The following GTF2A2 variants were observed in gnomAD, a reference collection of about 807,000 sequenced individuals.
The protein encoded by GTF2A2 is transcription initiation factor IIA subunit 2.
Under a neutral mutation model 14.3 loss-of-function variants are expected in GTF2A2, and 9 were observed. The ratio of observed to expected loss-of-function variants is 0.63; its 90% CI spans 0.38 to 1.10. The LOEUF (loss-of-function observed/expected upper bound fraction) is 1.10. GTF2A2 is among the 50% of genes least tolerant of loss of function. The pLI is 0.01. For synonymous variants in GTF2A2, 56 were observed against 46.0 expected (o/e 1.22, Z -0.88); for missense variants, 90 against 124.6 (o/e 0.72, Z 1.32).
At chr15:59,639,234 A>G in intron 4 of GTF2A2, 77 bp from the exon 5 acceptor site, 1 of 852,210 alleles carries the variant, frequency 1.2e-6, no homozygotes, top group Non-Finnish European at 2.0e-6. Flanking sequence ...TTTTAAGACT[A>G]TCAAAAATGA....
intron 1 of GTF2A2, 87 bp from the exon 2 acceptor site, chr15:59,652,413 A>C (rs1173175926): frequency 1.7e-6 from 1 of 587,970 alleles, no homozygotes; most frequent in Non-Finnish European, 3.0e-6. Flanking sequence ...CAAATATTCT[A>C]ATATAGAACT....
chr15:59,642,023 A>C, intron 4 of GTF2A2, 113 bp downstream of exon 4: 1 of 817,100 alleles, frequency 1.2e-6, no homozygotes, highest in Non-Finnish European at 1.9e-6. Context: ...TTATCTGGGA[A>C]TTGATCATAG....
At chr15:59,649,476 A>C (rs1891724614) in intron 3 of GTF2A2, among the ~76,000 whole-genome samples, 1 of 152,180 alleles carries the variant, frequency 6.6e-6, no homozygotes, top group Non-Finnish European at 1.5e-5. Flanking sequence ...TAGTCCACCA[A>C]ATTTCTTATT....
chr15:59,643,072 A>ATTTTTTT (rs398043378), intron 3 of GTF2A2, among the ~76,000 whole-genome samples: 2 of 64,094 alleles, frequency 3.1e-5, no homozygotes, highest in Non-Finnish European at 5.7e-5. Flanking sequence ...GGCCTATATA[A>ATTTTTTT]TTTTTTTTTT....
intron 3 of GTF2A2, among the ~76,000 whole-genome samples, chr15:59,650,158 T>C (rs940094607): frequency 3.3e-5 from 5 of 152,220 alleles, no homozygotes; most frequent in African/African-American, 1.2e-4. Flanking sequence ...GTTCAAAGTA[T>C]AAGTGACTGA....
rs1179655629 is a variant in GTF2A2, at chr15:59,638,419, GT to G, written c.*712del. On this transcript the variant is annotated 3_prime_UTR_variant, in exon 5 of 5. Coordinates refer to ENST00000396060, the MANE Select transcript of GTF2A2 (RefSeq NM_004492.3). ...AAAAGTCTAATAATTAGACTTTATT[GT>G]AAGTCTAATGTATCTTGTACATGAT... The G allele has an allele frequency of 6.8e-6, 1 of 147,646 alleles. No homozygotes were observed. The highest frequency in any genetic ancestry group is 1.5e-5 in the Non-Finnish European group (1 of 66,574). 9.1% of individuals were successfully genotyped at this position (147,646 alleles called of 1,614,324 possible).
chr15:59,650,691 A>T lies in GTF2A2; in HGVS notation c.155T>A (p.Val52Asp), dbSNP rs1392479346. The change falls in exon 3 of 5, where the codon GTC becomes GAC. Residue 52 changes from valine (V) to aspartate (D), a missense_variant. By Grantham distance (152) the Val-to-Asp change is radical. Coordinates refer to ENST00000396060, the MANE Select transcript of GTF2A2 (RefSeq NM_004492.3). ...TACCCTGAAATTGACTCTGTTCCTG[A>T]CCCTCTGAGCCAGTGCTGCATTTAT... ...KAINAALAQR[V>D]RNRVNFRGSL... is the part of the protein sequence containing the mutation. 6.3e-7 allele frequency: 1 copy of T among 1,598,198 alleles called. No homozygotes were observed. Among genetic ancestry groups the T allele is most frequent in the Non-Finnish European group, 8.6e-7 (1 of 1,165,592 alleles).
Position 59,639,077 on chromosome 15 carries a change from T to C in GTF2A2, c.*55A>G. ...AAATAAAAAGTCTCTTCTATGCTTC[T>C]CTTCAAAAGCAATGAATAACAGAAG... is the stretch of plus-strand genomic sequence containing the variant. On this transcript the variant is annotated 3_prime_UTR_variant, in exon 5 of 5. Coordinates refer to ENST00000396060, the MANE Select transcript of GTF2A2 (RefSeq NM_004492.3). 1 of 1,000,282 alleles carries C rather than the reference T, an allele frequency of 1.0e-6. No homozygotes were observed. Among genetic ancestry groups the C allele is most frequent in the South Asian group, 1.3e-5 (1 of 77,860 alleles). 62.0% of individuals were successfully genotyped at this position (1,000,282 alleles called of 1,614,324 possible).
At position 59,650,521 on chromosome 15, in the gene GTF2A2, T is replaced by C. The variant is rs533597779; in HGVS notation, c.177+148A>G. 8 of 536,158 alleles carry C rather than the reference T, an allele frequency of 1.5e-5. No homozygotes were observed. The African/African-American group carries it at 1.5e-4, about 10-fold the overall frequency. The allele number at this position is 536,158 out of a possible 1,614,324, so 33.2% of individuals were successfully genotyped here. On this transcript the variant is annotated intron_variant, in intron 3 of 4. Transcript: ENST00000396060. The stretch of plus-strand genomic sequence containing the variant: ...ACTTAGTTTATAGTTGATTGAAAAG[T>C]ATAATTTAGTTACTATAAAACAAGT...
At chr15:59,654,026 C>T (rs934305102) in intron 1 of GTF2A2, among the ~76,000 whole-genome samples, 3 of 152,310 alleles carry the variant, frequency 2.0e-5, no homozygotes, top group East Asian at 3.9e-4. Flanking sequence ...TCATCTGTCA[C>T]TAAAGTTAAT....
chr15:59,645,693 G>A (rs1213773357), intron 3 of GTF2A2, among the ~76,000 whole-genome samples: 1 of 152,080 alleles, frequency 6.6e-6, no homozygotes, highest in African/African-American at 2.4e-5. Flanking sequence ...CAAACTCAAC[G>A]TTCATTTCCA....
chr15:59,641,371 C>CTT (rs1386593490), intron 4 of GTF2A2, among the ~76,000 whole-genome samples: 8 of 151,956 alleles, frequency 5.3e-5, no homozygotes, highest in African/African-American at 1.9e-4. Flanking sequence ...TTAGCTATTT[C>CTT]TTTGGAAATG....
intron 3 of GTF2A2, among the ~76,000 whole-genome samples, chr15:59,648,453 A>G (rs1891683446): frequency 7.6e-6 from 1 of 130,798 alleles, no homozygotes; most frequent in South Asian, 2.6e-4. Context: ...TAGCCTAGTT[A>G]CAAATACTAC....
At chr15:59,642,422 CCAGA>C (rs2141957322) in intron 3 of GTF2A2, among the ~76,000 whole-genome samples, 160 bp from the exon 4 acceptor site, 2 of 152,208 alleles carry the variant, frequency 1.3e-5, no homozygotes, top group South Asian at 4.1e-4. Flanking sequence ...AAAACAACCA[CCAGA>C]CAAATTTGCT....
chr15:59,639,237 A>C, intron 4 of GTF2A2, 80 bp from the exon 5 acceptor site: 1 of 840,782 alleles, frequency 1.2e-6, no homozygotes, highest in East Asian at 2.5e-5. Flanking sequence ...TAAGACTATC[A>C]AAAATGAGAA....
intron 4 of GTF2A2, among the ~76,000 whole-genome samples, 170 bp downstream of exon 4, chr15:59,641,966 C>A (rs536680710): frequency 6.6e-5 from 10 of 152,274 alleles, no homozygotes; most frequent in African/African-American, 2.4e-4. Flanking sequence ...AGTAAGAGCA[C>A]TGTTTGAGAT....
chr15:59,643,958 G>A (rs1595668731), intron 3 of GTF2A2, among the ~76,000 whole-genome samples: 1 of 151,992 alleles, frequency 6.6e-6, no homozygotes, highest in African/African-American at 2.4e-5. Context: ...GCAGTGCTGT[G>A]ATCTTGACCA....
At chr15:59,654,204 A>G (rs1252830021) in intron 1 of GTF2A2, among the ~76,000 whole-genome samples, 1 of 152,168 alleles carries the variant, frequency 6.6e-6, no homozygotes, top group East Asian at 1.9e-4. Context: ...ATGGCTTGGA[A>G]GGCCTATGTG....
Position 59,657,402 on chromosome 15 carries a change from C to T in GTF2A2, c.-50+4G>A, listed in dbSNP as rs1270789086. ...CCCTAACCCTGCCCTCCCTAACCCA[C>T]TACCTGTGGGGAAGGCGCTTCCCTC... On this transcript the variant is annotated splice_donor_region_variant and intron_variant, in intron 1 of 4. Coordinates refer to ENST00000396060, the MANE Select transcript of GTF2A2 (RefSeq NM_004492.3). 1 of 152,378 alleles carries T rather than the reference C, an allele frequency of 6.6e-6. No homozygotes were observed. Among genetic ancestry groups the T allele is most frequent in the African/African-American group, 2.4e-5 (1 of 41,478 alleles). The allele number at this position is 152,378 out of a possible 1,614,324, so 9.4% of individuals were successfully genotyped here.
Sources: allele counts gnomAD v4.1 joint callset (sites outside exome capture counted in the v4.1 genomes callset), GRCh38; gene constraint gnomAD v4.1.1; transcripts MANE v1.5; gene names NCBI Gene and HGNC (gene_info 2026-07-23, HGNC 2026-07-21).